HAPLN3: variants seen among roughly 807,000 people sequenced by gnomAD.
The protein encoded by HAPLN3 is hyaluronan and proteoglycan link protein 3, also known as extracellular link domain containing, 1.
In HAPLN3, 28 loss-of-function variants were observed where a neutral mutation model predicts 28.1. That is an observed-to-expected ratio of 1.00 (90% CI 0.74 to 1.37). HAPLN3 has a LOEUF of 1.37. Among genes scored for constraint, HAPLN3 ranks in the 40% most tolerant of loss-of-function variants. The probability of loss-of-function intolerance (pLI) is 0.00; values close to 1 mark genes in which losing one functional copy is unlikely to be tolerated. For missense variants in HAPLN3, 513 were observed against 504.6 expected (o/e 1.02, Z -0.16); for synonymous variants, 211 against 213.1 (o/e 0.99, Z 0.09).
In HAPLN3 at chr15:88,878,199, G is replaced by T; in HGVS notation, c.854C>A (p.Ala285Asp). 1.2e-6 allele frequency: 2 copies of T among 1,614,108 alleles called. No homozygotes were observed. The highest frequency in any genetic ancestry group is 1.7e-6 in the Non-Finnish European group (2 of 1,179,980). The stretch of plus-strand genomic sequence containing the variant: ...GATCGTGGCATCATCTTCCTGGCAG[G>T]CCTCCCTTGCCTCTGTCAGCGTCAG... Reference protein sequence around the residue: ...EKLTLTEAREACQEDDATIAK... With the variant: ...EKLTLTEAREDCQEDDATIAK... The change falls in exon 5 of 5, where the codon GCC (alanine) becomes GAC (aspartate). Residue 285 changes from alanine (A) to aspartate (D), a missense_variant. By Grantham distance (126) the Ala-to-Asp change is moderately radical. Transcript: ENST00000359595.
rs373382303 is a variant in HAPLN3 at position 88,887,157 on chromosome 15, G to C, written c.124+18C>G. 1.2e-6 allele frequency: 2 copies of C among 1,614,054 alleles called. No individual in the cohort carries two copies. The highest frequency in any genetic ancestry group is 3.3e-5 in the Admixed American group (2 of 60,024). ...GTCACCCAGGGGAGCAAAGAGCCGG[G>C]TGCAGGAGGTCGCCTACCTTTGCCA... is the stretch of plus-strand genomic sequence containing the variant. On this transcript the variant is annotated intron_variant, in intron 2 of 4. Coordinates refer to ENST00000359595, the MANE Select transcript of HAPLN3 (RefSeq NM_178232.4).
intron 1 of HAPLN3, among the ~76,000 whole-genome samples, chr15:88,892,328 G>A (rs1421696393): frequency 2.0e-5 from 3 of 151,952 alleles, no homozygotes; most frequent in Non-Finnish European, 2.9e-5. Context: ...GTGGTGGTGG[G>A]TGCCTGTAAT....
At chr15:88,887,377 A>G in intron 1 of HAPLN3, 32 bp from the exon 2 acceptor site, 2 of 1,569,246 alleles carry the variant, frequency 1.3e-6, no homozygotes, top group Admixed American at 3.8e-5. Context: ...GGCAATTAGA[A>G]AAGCCTGGCT....
chr15:88,878,381 T>C, intron 4 of HAPLN3, 125 bp from the exon 5 acceptor site: 1 of 836,194 alleles, frequency 1.2e-6, no homozygotes, highest in Non-Finnish European at 1.9e-6. Context: ...TGCAGGCATC[T>C]GCAGAGAACA....
Position 88,890,723 on chromosome 15 carries a change from C to T in HAPLN3, c.-47-3378G>A, listed in dbSNP as rs188674699. Among the ~76,000 whole-genome samples, 1,045 of 152,260 alleles carry T rather than the reference C, an allele frequency of 6.9e-3. 4 individuals are homozygous for T. The highest frequency in any genetic ancestry group is 9.7e-3 in the Non-Finnish European group (662 of 68,018). ...CAGATGCCTTTCCCTGGTATTCCTT[C>T]CCCCAACCTTCTGGAAACCACAGTA... On this transcript the variant is annotated intron_variant, in intron 1 of 4. Coordinates refer to ENST00000359595, the MANE Select transcript of HAPLN3 (RefSeq NM_178232.4).
Position 88,881,280 on chromosome 15 carries a change from A to C in HAPLN3, c.493+77T>G, listed in dbSNP as rs1851457892. 1 of 1,491,466 alleles carries C rather than the reference A, an allele frequency of 6.7e-7. No individual in the cohort carries two copies. The allele number at this position is 1,491,466 out of a possible 1,614,324, so 92.4% of individuals were successfully genotyped here. A position where few individuals can be genotyped will look rare whatever the true frequency, so the allele number is the denominator to read the frequency against. ...GTACTTTTAAATGTCTAAAGCACAG[A>C]GGTCTGGATGTTTTCTCTGGTCCTC... On this transcript the variant is annotated intron_variant, in intron 3 of 4. Coordinates refer to ENST00000359595, the MANE Select transcript of HAPLN3 (RefSeq NM_178232.4). The surrounding 1 kb of genome is among the most constrained non-coding windows in gnomAD (Gnocchi z 6.0).
chr15:88,885,465 T>G lies in HAPLN3; in HGVS notation c.124+1710A>C, dbSNP rs1170989593. Among the ~76,000 whole-genome samples, 3 of 148,354 alleles carry G rather than the reference T, an allele frequency of 2.0e-5. No individual in the cohort carries two copies. In the East Asian group the frequency reaches 6.0e-4, roughly 30 times the overall value. On this transcript the variant is annotated intron_variant, in intron 2 of 4. Transcript: ENST00000359595. ...TAATTTTTTGTTTTTTGTGTTTTTTTTTTTTTTTTTGAGACGGAGTCTCAC... is the reference window on the plus strand; with the variant it reads ...TAATTTTTTGTTTTTTGTGTTTTTTGTTTTTTTTTTGAGACGGAGTCTCAC...
intron 2 of HAPLN3, among the ~76,000 whole-genome samples, chr15:88,883,080 C>T (rs1179651311): frequency 6.6e-6 from 1 of 152,160 alleles, no homozygotes; most frequent in Non-Finnish European, 1.5e-5. Flanking sequence ...AAGCAGGAGA[C>T]AGACAGGGAG....
chr15:88,885,601 G>T (rs892672209), intron 2 of HAPLN3, among the ~76,000 whole-genome samples: 23 of 152,050 alleles, frequency 1.5e-4, no homozygotes, highest in Non-Finnish European at 3.4e-4. Context: ...GGGATTAAAG[G>T]CACCTGCCAC....
chr15:88,889,457 T>G (rs1204795322), intron 1 of HAPLN3, among the ~76,000 whole-genome samples: 2 of 152,216 alleles, frequency 1.3e-5, no homozygotes, highest in Non-Finnish European at 2.9e-5. Flanking sequence ...TGCCTCAGCC[T>G]CCCGAGTAGC....
rs191695118 is a variant in HAPLN3, at chr15:88,879,064, G to A, written c.699C>T (p.Cys233=). 5.1e-4 allele frequency: 819 copies of A among 1,606,410 alleles called. 1 individual carries two copies. Among genetic ancestry groups the A allele is most frequent in the East Asian group, 4.5e-3 (201 of 44,602 alleles). ...CGCCAGGTGCCAGGCCCGGGCCACC[G>A]CAGGGCTGCCGGGGCAACATGATGG... ...QYPIMLPRQP[C]GGPGLAPGVR... is the part of the protein sequence containing the mutation. Residue 233 remains cysteine (C), a synonymous_variant, in exon 4 of 5, where the codon TGC becomes TGT. Transcript: ENST00000359595. The surrounding 1 kb of genome is among the most constrained non-coding windows in gnomAD (Gnocchi z 5.0).
intron 1 of HAPLN3, chr15:88,892,894 C>A: frequency 6.8e-7 from 1 of 1,463,182 alleles, no homozygotes. Flanking sequence ...CCTACCATGG[C>A]TATCCAGCCA....
At position 88,888,505 on chromosome 15, in the gene HAPLN3, T is replaced by A. The variant is rs537612250; in HGVS notation, c.-47-1160A>T. Among the ~76,000 whole-genome samples the A allele has an allele frequency of 1.7e-4, 26 of 152,282 alleles. No homozygotes were observed. Among genetic ancestry groups the A allele is most frequent in the South Asian group, 4.1e-4 (2 of 4,824 alleles). On this transcript the variant is annotated intron_variant, in intron 1 of 4. Transcript: ENST00000359595. The surrounding 1 kb of genome is among the most constrained non-coding windows in gnomAD (Gnocchi z 4.1). ...GTAGTTTGATGATTTGATTTTTTTT[T>A]AAATATTGTATTCAAATATTTTGTC...
rs1013300000 is a variant in HAPLN3, at chr15:88,877,637, C to T, written c.*333G>A. 4.2e-6 allele frequency: 1 copy of T among 237,618 alleles called. No homozygotes were observed. Among genetic ancestry groups the T allele is most frequent in the Non-Finnish European group, 8.1e-6 (1 of 122,726 alleles). 14.7% of individuals were successfully genotyped at this position (237,618 alleles called of 1,614,324 possible). A position where few individuals can be genotyped will look rare whatever the true frequency, so the allele number is the denominator to read the frequency against. On this transcript the variant is annotated 3_prime_UTR_variant, in exon 5 of 5. Coordinates refer to ENST00000359595, the MANE Select transcript of HAPLN3 (RefSeq NM_178232.4). This position sits in a 1 kb window ranked among gnomAD's most constrained non-coding sequence, Gnocchi z 5.1. ...GAGAACTGTGCCCACCATGCCCGGA[C>T]TCCCGGCGGCATTCTAGACAGGCCA...
chr15:88,888,079 A>T lies in HAPLN3; in HGVS notation c.-47-734T>A, dbSNP rs1897914067. ...AGGGTGAATAGAGGGTATGTTAAGT[A>T]AAGATGAGTCCTGCATTGTGAACCC... On this transcript the variant is annotated intron_variant, in intron 1 of 4. Coordinates refer to ENST00000359595, the MANE Select transcript of HAPLN3 (RefSeq NM_178232.4). The surrounding 1 kb of genome is among the most constrained non-coding windows in gnomAD (Gnocchi z 4.1). Among the ~76,000 whole-genome samples the T allele has an allele frequency of 6.6e-6, 1 of 151,950 alleles. No homozygotes were observed. The highest frequency in any genetic ancestry group is 1.5e-5 in the Non-Finnish European group (1 of 68,012).
At chr15:88,893,456 T>C (rs191517491) in intron 1 of HAPLN3, among the ~76,000 whole-genome samples, 3 of 151,024 alleles carry the variant, frequency 2.0e-5, no homozygotes, top group Admixed American at 6.6e-5. Context: ...TTATAGAAGA[T>C]GTATGATGTC....
Position 88,880,190 on chromosome 15 carries a change from A to G in HAPLN3, c.494-921T>C. 1.0e-6 allele frequency: 1 copy of G among 994,716 alleles called. No homozygotes were observed. Among genetic ancestry groups the G allele is most frequent in the Non-Finnish European group, 1.2e-6 (1 of 836,088 alleles). The allele number at this position is 994,716 out of a possible 1,614,324, so 61.6% of individuals were successfully genotyped here. A position where few individuals can be genotyped will look rare whatever the true frequency, so the allele number is the denominator to read the frequency against. ...CTATTTCATGCCTGGTTCCACCCCA[A>G]ATTCCTAGCCCTTGAAGCCCCGGGA... is the stretch of plus-strand genomic sequence containing the variant. On this transcript the variant is annotated intron_variant, in intron 3 of 4. Transcript: ENST00000359595. This position sits in a 1 kb window ranked among gnomAD's most constrained non-coding sequence, Gnocchi z 6.0.
rs770255399 is a variant in HAPLN3, at chr15:88,877,980, C to T, written c.1073G>A (p.Arg358His). 1.1e-5 allele frequency: 18 copies of T among 1,602,432 alleles called. No homozygotes were observed. The highest frequency in any genetic ancestry group is 1.7e-5 in the Admixed American group (1 of 59,070). ...GGAGGGCCCCAGGTCCTAGTGCTGG[C>T]GGTAGCAGTAAACACCGTACAAGCG... is the stretch of plus-strand genomic sequence containing the variant. ...QSRLYGVYCY[R>H]QH The change falls in exon 5 of 5, where the codon CGC (arginine) becomes CAC (histidine). Residue 358 changes from arginine to histidine, a missense_variant. By Grantham distance (29) the Arg-to-His change is conservative (BLOSUM62 0). Transcript: ENST00000359595. The surrounding 1 kb of genome is among the most constrained non-coding windows in gnomAD (Gnocchi z 5.1).
intron 1 of HAPLN3, among the ~76,000 whole-genome samples, chr15:88,891,207 C>T (rs764091024): frequency 1.3e-5 from 2 of 151,926 alleles, no homozygotes; most frequent in Non-Finnish European, 2.9e-5. Context: ...ACAGCTTAGC[C>T]TCACTTGTCC....
Sources: allele counts gnomAD v4.1 joint callset (sites outside exome capture counted in the v4.1 genomes callset), GRCh38; gene constraint gnomAD v4.1.1; non-coding constraint Gnocchi (gnomAD v3.1); transcripts MANE v1.5; gene names NCBI Gene and HGNC (gene_info 2026-07-23, HGNC 2026-07-21).